Variants in CAD observed in about 807,000 individuals in gnomAD.
CAD encodes the protein multifunctional protein CAD.
In CAD, 81 loss-of-function variants were observed where a neutral mutation model predicts 237.2. That is an observed-to-expected ratio of 0.34 (90% CI 0.29 to 0.41). CAD has a LOEUF of 0.41. Ranked by LOEUF, CAD falls within the 10% of genes least tolerant of loss-of-function variation. The pLI, the probability that CAD is intolerant of heterozygous loss-of-function variation, is 1.00. For missense variants in CAD, 2,181 were observed against 2,951.7 expected, an observed-to-expected ratio of 0.74 and a Z score of 6.05; for synonymous variants, 1,196 against 1,162.8, an observed-to-expected ratio of 1.03 and a Z score of -0.58.
intron 31 of CAD, 121 bp downstream of exon 31, chr2:27,238,753 G>C: frequency 1.1e-6 from 1 of 905,516 alleles, no homozygotes; most frequent in Middle Eastern, 2.9e-4. Flanking sequence ...ATCCGTATGG[G>C]ACCCTAGCCT....
At chr2:27,238,705 C>A (rs138381242) in intron 31 of CAD, 73 bp downstream of exon 31, 1 of 1,394,022 alleles carries the variant, frequency 7.2e-7, no homozygotes, top group Non-Finnish European at 9.8e-7. Context: ...AAATGGGAAG[C>A]AGGCCAGGCC....
At position 27,236,696 on chromosome 2, in the gene CAD, C is replaced by T. The variant is rs1435099072; in HGVS notation, c.4315-53C>T. On this transcript the variant is annotated intron_variant, in intron 26 of 43. Transcript: ENST00000264705. The surrounding 1 kb of genome is among the most constrained non-coding windows in gnomAD (Gnocchi z 4.1). ...GTTTATGGGAAAACCACATCTCTCC[C>T]TACAACTCCCAGGATCACCCTTCCC... is the stretch of plus-strand genomic sequence containing the variant. 2 of 1,586,432 alleles carry T rather than the reference C, an allele frequency of 1.3e-6. No individual in the cohort carries two copies. Among genetic ancestry groups the T allele is most frequent in the Non-Finnish European group, 1.7e-6 (2 of 1,154,972 alleles).
chr2:27,235,242 T>A lies in CAD; in HGVS notation c.3787-3T>A. 6.2e-7 allele frequency: 1 copy of A among 1,602,958 alleles called. No homozygotes were observed. The highest frequency in any genetic ancestry group is 2.2e-5 in the East Asian group (1 of 44,688). On this transcript the variant is annotated splice_region_variant and splice_polypyrimidine_tract_variant and intron_variant, in intron 23 of 43. Transcript: ENST00000264705. This position sits in a 1 kb window ranked among gnomAD's most constrained non-coding sequence, Gnocchi z 5.2. ...CCCTCTCTCTTCCCTCCCGCCCCTT[T>A]AGGTGCCTCAGTTCTCCTTCTCCCG...
Position 27,233,912 on chromosome 2 carries a change from G to T in CAD, c.3400-96G>T. ...ATCATAGGCACCAGGGCTGGGAACA[G>T]TGGGCTATGTGGGGCTCGTTAAAGG... is the stretch of plus-strand genomic sequence containing the variant. On this transcript the variant is annotated intron_variant, in intron 21 of 43. Transcript: ENST00000264705. This position sits in a 1 kb window ranked among gnomAD's most constrained non-coding sequence, Gnocchi z 6.3. 1 of 1,538,226 alleles carries T rather than the reference G, an allele frequency of 6.5e-7. No individual in the cohort carries two copies.
At position 27,238,434 on chromosome 2, in the gene CAD, C is replaced by T; in HGVS notation, c.4864C>T (p.Leu1622=). Reference sequence around the variant, plus strand: ...GGATCTTCCCATTGTTCCCCAGATCCTGCTAATTAAAGCTGCAAAGGCACG... The same window carrying T: ...GGATCTTCCCATTGTTCCCCAGATCTTGCTAATTAAAGCTGCAAAGGCACG... ...ICHVARKEEI[L]LIKAAKARGL... The change falls in exon 31 of 44, where the codon CTG becomes TTG. Residue 1622 remains leucine (L), a synonymous_variant. Coordinates refer to ENST00000264705, the MANE Select transcript of CAD (RefSeq NM_004341.5). The T allele has an allele frequency of 1.3e-6, 2 of 1,571,538 alleles. No individual in the cohort carries two copies. Among genetic ancestry groups the T allele is most frequent in the Non-Finnish European group, 1.7e-6 (2 of 1,157,746 alleles).
Position 27,241,293 on chromosome 2 carries a change from C to G in CAD, c.5809-29C>G. 6.2e-7 allele frequency: 1 copy of G among 1,613,876 alleles called. No homozygotes were observed. Among genetic ancestry groups the G allele is most frequent in the Non-Finnish European group, 8.5e-7 (1 of 1,179,778 alleles). Reference sequence around the variant, plus strand: ...GGATTTGGAAAGCTGGGGCTAGGACCTTTCTAGCTAACTTGGGCTCTTTCT... The same window carrying G: ...GGATTTGGAAAGCTGGGGCTAGGACGTTTCTAGCTAACTTGGGCTCTTTCT... On this transcript the variant is annotated intron_variant, in intron 37 of 43. Coordinates refer to ENST00000264705, the MANE Select transcript of CAD (RefSeq NM_004341.5). The surrounding 1 kb of genome is among the most constrained non-coding windows in gnomAD (Gnocchi z 4.6).
Position 27,242,096 on chromosome 2 carries a change from C to T in CAD, c.6069C>T (p.Leu2023=). Residue 2023 remains leucine (L), a synonymous_variant, in exon 39 of 44, where the codon CTC becomes CTT. Transcript: ENST00000264705. The surrounding 1 kb of genome is among the most constrained non-coding windows in gnomAD (Gnocchi z 6.4). ...GCTGCTATGCCGACGTCGTCGTGCT[C>T]CGGCACCCCCAGCCTGGAGCAGTGG... The part of the protein sequence containing the change: ...TMSCYADVVV[L]RHPQPGAVEL... 5 of 1,613,090 alleles carry T rather than the reference C, an allele frequency of 3.1e-6. No individual in the cohort carries two copies. The highest frequency in any genetic ancestry group is 4.2e-6 in the Non-Finnish European group (5 of 1,180,016).
chr2:27,241,795 G>A lies in CAD; in HGVS notation c.5884-116G>A. On this transcript the variant is annotated intron_variant, in intron 38 of 43. Coordinates refer to ENST00000264705, the MANE Select transcript of CAD (RefSeq NM_004341.5). This position sits in a 1 kb window ranked among gnomAD's most constrained non-coding sequence, Gnocchi z 4.6. ...TCTGACAGGTCACAGGGGAGGTTTG[G>A]GTGCAGAAGGGTCCTCACAGCACCC... is the stretch of plus-strand genomic sequence containing the variant. 1 of 756,746 alleles carries A rather than the reference G, an allele frequency of 1.3e-6. No homozygotes were observed. Among genetic ancestry groups the A allele is most frequent in the East Asian group, 2.7e-5 (1 of 37,470 alleles). 46.9% of individuals were successfully genotyped at this position (756,746 alleles called of 1,614,324 possible). A position where few individuals can be genotyped will look rare whatever the true frequency, so the allele number is the denominator to read the frequency against.
At position 27,235,668 on chromosome 2, in the gene CAD, C is replaced by T; in HGVS notation, c.4074+28C>T. 1 of 1,584,228 alleles carries T rather than the reference C, an allele frequency of 6.3e-7. No homozygotes were observed. The highest frequency in any genetic ancestry group is 8.7e-7 in the Non-Finnish European group (1 of 1,153,162). On this transcript the variant is annotated intron_variant, in intron 25 of 43. Transcript: ENST00000264705. This position sits in a 1 kb window ranked among gnomAD's most constrained non-coding sequence, Gnocchi z 5.2. ...GCAGGAACTCTGGCAACCTACCCCA[C>T]TGCTGCCCTTCCCCAAGGGGGTGAA...
In CAD at chr2:27,233,866, T is replaced by C; in HGVS notation, c.3399+58T>C. On this transcript the variant is annotated intron_variant, in intron 21 of 43. Transcript: ENST00000264705. This position sits in a 1 kb window ranked among gnomAD's most constrained non-coding sequence, Gnocchi z 6.3. The stretch of plus-strand genomic sequence containing the variant: ...GCATGCTGCCAGCCCTGGAGGAGAC[T>C]TCCTTCTCTGGTCCAGCAGAATCAT... 4.4e-6 allele frequency: 7 copies of C among 1,589,734 alleles called. No homozygotes were observed. Among genetic ancestry groups the C allele is most frequent in the Non-Finnish European group, 6.0e-6 (7 of 1,161,454 alleles).
rs1306733578 is a variant in CAD, at chr2:27,243,543, C to A, written c.*25C>A. The A allele has an allele frequency of 6.5e-7, 1 of 1,540,044 alleles. No homozygotes were observed. The highest frequency in any genetic ancestry group is 2.3e-5 in the East Asian group (1 of 43,460). Reference sequence around the variant, plus strand: ...GGGCCTGGCTTCCTCAGCCTCTTCTCTTTAGGCCCAGCTGCTGGGCAAGGA... The same window carrying A: ...GGGCCTGGCTTCCTCAGCCTCTTCTATTTAGGCCCAGCTGCTGGGCAAGGA... On this transcript the variant is annotated 3_prime_UTR_variant, in exon 44 of 44. Coordinates refer to ENST00000264705, the MANE Select transcript of CAD (RefSeq NM_004341.5).
At position 27,217,441 on chromosome 2, in the gene CAD, C is replaced by T; in HGVS notation, c.-111C>T. ...CGCCCGGCTTCTCTCCAGCGCCCCG[C>T]GCCGTTAGCCACGTGGACCGACTCC... On this transcript the variant is annotated 5_prime_UTR_variant, in exon 1 of 44. Transcript: ENST00000264705. 1 of 935,408 alleles carries T rather than the reference C, an allele frequency of 1.1e-6. No individual in the cohort carries two copies. The highest frequency in any genetic ancestry group is 1.7e-6 in the Non-Finnish European group (1 of 589,980). The allele number at this position is 935,408 out of a possible 1,614,324, so 57.9% of individuals were successfully genotyped here.
intron 8 of CAD, 140 bp from the exon 9 acceptor site, chr2:27,224,205 T>TC (rs1675321557): frequency 2.0e-6 from 2 of 988,430 alleles, no homozygotes; most frequent in Non-Finnish European, 3.0e-6. Flanking sequence ...AACTCCAGGG[T>TC]CCTGGGTTCT....
intron 2 of CAD, among the ~76,000 whole-genome samples, chr2:27,219,519 A>G (rs1675050284): frequency 6.6e-6 from 1 of 151,526 alleles, no homozygotes. Flanking sequence ...CTTTTTTTGT[A>G]TTTTTTGTAG....
chr2:27,230,993 T>C (rs903494478), intron 15 of CAD, among the ~76,000 whole-genome samples: 3 of 152,214 alleles, frequency 2.0e-5, no homozygotes, highest in Admixed American at 2.0e-4. Flanking sequence ...TTAAGATTTC[T>C]TTTTGTTTGT....
chr2:27,243,349 A>T (rs1190205877), intron 43 of CAD, 57 bp downstream of exon 43: 2 of 1,574,392 alleles, frequency 1.3e-6, no homozygotes, highest in African/African-American at 2.7e-5. Context: ...GAGGAGACTT[A>T]GTCCTGGACA....
At chr2:27,225,297 TATTTTC>T in intron 11 of CAD, 54 bp downstream of exon 11, 1 of 1,024,908 alleles carries the variant, frequency 9.8e-7, no homozygotes, top group African/African-American at 1.8e-5. Flanking sequence ...TTGGTAGTGT[TATTTTC>T]TTTTTTTTTT....
intron 15 of CAD, among the ~76,000 whole-genome samples, chr2:27,229,474 T>C (rs1675615197): frequency 6.6e-6 from 1 of 152,052 alleles, no homozygotes; most frequent in African/African-American, 2.4e-5. Context: ...GAGGTCTCAC[T>C]ATGTTGTGCC....
Position 27,224,103 on chromosome 2 carries a change from G to T in CAD, c.1108+74G>T, listed in dbSNP as rs1413497688. 12 of 1,135,334 alleles carry T rather than the reference G, an allele frequency of 1.1e-5. No individual in the cohort carries two copies. In the East Asian group the frequency reaches 2.8e-4, roughly 27 times the overall value. 70.3% of individuals were successfully genotyped at this position (1,135,334 alleles called of 1,614,324 possible). ...TCCAGGATGGGCATAAGGTGGACATGCCCTGGGCAACTCCTAGATGTCTAG... is the reference window on the plus strand; with the variant it reads ...TCCAGGATGGGCATAAGGTGGACATTCCCTGGGCAACTCCTAGATGTCTAG... On this transcript the variant is annotated intron_variant, in intron 8 of 43. Transcript: ENST00000264705.
Sources: gnomAD v4.1 joint callset for allele counts (sites outside exome capture counted in the v4.1 genomes callset) on GRCh38, gnomAD v4.1.1 for gene constraint, Gnocchi (gnomAD v3.1) non-coding constraint, MANE v1.5 for transcripts, NCBI Gene and HGNC (gene_info 2026-07-23, HGNC 2026-07-21) for gene names.